WDR33: variants seen among roughly 807,000 people sequenced by gnomAD.
WDR33 encodes the protein WD repeat domain 33, also known as pre-mRNA 3' end processing protein WDR33.
A neutral mutation model predicts 164.9 loss-of-function variants in WDR33; 47 were observed. The observed-to-expected ratio is 0.29, with a 90% CI of 0.23 to 0.36. WDR33 has a LOEUF of 0.36. WDR33 is among the 10% of genes least tolerant of loss of function. The pLI, the probability that WDR33 is intolerant of heterozygous loss-of-function variation, is 1.00. For synonymous variants in WDR33, 505 were observed against 589.0 expected (o/e 0.86, Z 2.06); for missense variants, 1,137 against 1,754.1 (o/e 0.65, Z 6.28).
intron 1 of WDR33, among the ~76,000 whole-genome samples, chr2:127,794,356 T>C (rs1233830328): frequency 1.3e-5 from 2 of 148,324 alleles, no homozygotes; most frequent in African/African-American, 5.0e-5. Context: ...AAAAATTAGC[T>C]GGGTGTGGTG....
Position 127,722,597 on chromosome 2 carries a change from G to C in WDR33, c.1512C>G (p.Phe504Leu). ...VPYAKPIPAQ[F>L]QQAWMQNKVP... Reference sequence around the variant, plus strand: ...TGGAGTCACTTTTACTTACCTGCTGGAACTGAGCAGGAATGGGTTTTGCAT... The same window carrying C: ...TGGAGTCACTTTTACTTACCTGCTGCAACTGAGCAGGAATGGGTTTTGCAT... The change falls in exon 14 of 22, where the codon TTC becomes TTG. Residue 504 changes from phenylalanine to leucine, a missense_variant. Phe to Leu is a conservative substitution (Grantham distance 22). Transcript: ENST00000322313. The surrounding 1 kb of genome is among the most constrained non-coding windows in gnomAD (Gnocchi z 5.1). 6.2e-7 allele frequency: 1 copy of C among 1,613,300 alleles called. No individual in the cohort carries two copies. Among genetic ancestry groups the C allele is most frequent in the Non-Finnish European group, 8.5e-7 (1 of 1,179,786 alleles).
chr2:127,750,410 A>G (rs1687290152), intron 7 of WDR33, among the ~76,000 whole-genome samples: 1 of 151,490 alleles, frequency 6.6e-6, no homozygotes, highest in Non-Finnish European at 1.5e-5. Flanking sequence ...ACTTTGGGAG[A>G]CTGAGGCAGA....
chr2:127,771,165 G>A (rs529746930), intron 1 of WDR33, among the ~76,000 whole-genome samples, 161 bp from the exon 2 acceptor site: 4 of 152,248 alleles, frequency 2.6e-5, no homozygotes, highest in East Asian at 1.9e-4. Flanking sequence ...AACAACGGGC[G>A]TATGTTCTCA....
At chr2:127,788,299 A>G (rs1288844118) in intron 1 of WDR33, among the ~76,000 whole-genome samples, 12 of 87,842 alleles carry the variant, frequency 1.4e-4, no homozygotes, top group Non-Finnish European at 1.6e-4. Context: ...CGGGGGGCTG[A>G]CCCCCCCACC....
intron 3 of WDR33, 36 bp downstream of exon 3, chr2:127,768,897 T>C (rs1558945960): frequency 6.6e-7 from 1 of 1,514,538 alleles, no homozygotes; most frequent in East Asian, 2.3e-5. Context: ...AGCAAGGAAG[T>C]GTTTATTAAG....
At chr2:127,804,527 A>T (rs1689366336) in intron 1 of WDR33, among the ~76,000 whole-genome samples, 1 of 152,200 alleles carries the variant, frequency 6.6e-6, no homozygotes, top group Admixed American at 6.5e-5. Context: ...GAATAACACT[A>T]AATGGCTCCG....
intron 1 of WDR33, among the ~76,000 whole-genome samples, chr2:127,797,991 T>C (rs1231753201): frequency 6.6e-6 from 1 of 151,920 alleles, no homozygotes; most frequent in African/African-American, 2.4e-5. Context: ...TTCAACCTGG[T>C]GACAGAGTGA....
chr2:127,781,214 T>C (rs999295785), intron 1 of WDR33, among the ~76,000 whole-genome samples: 5 of 152,194 alleles, frequency 3.3e-5, no homozygotes, highest in African/African-American at 1.2e-4. Flanking sequence ...ACTGTGGTAA[T>C]AGACACATGA....
chr2:127,781,717 G>A (rs1426692166), intron 1 of WDR33, among the ~76,000 whole-genome samples: 1 of 152,112 alleles, frequency 6.6e-6, no homozygotes, highest in African/African-American at 2.4e-5. Context: ...TCCATGCTGA[G>A]GCCGGGTGCA....
intron 4 of WDR33, among the ~76,000 whole-genome samples, chr2:127,766,927 T>C (rs531759390): frequency 6.6e-6 from 1 of 152,136 alleles, no homozygotes; most frequent in South Asian, 2.1e-4. Context: ...CCCGGCTAAT[T>C]TTTGTATTTT....
intron 1 of WDR33, among the ~76,000 whole-genome samples, chr2:127,789,795 T>C (rs886635440): frequency 7.2e-5 from 11 of 152,050 alleles, no homozygotes; most frequent in Admixed American, 7.2e-4. Flanking sequence ...GTAGATGCCC[T>C]TTATCAGACT....
intron 1 of WDR33, among the ~76,000 whole-genome samples, chr2:127,793,528 G>T (rs553535710): frequency 6.7e-6 from 1 of 148,364 alleles, no homozygotes; most frequent in South Asian, 2.2e-4. Context: ...ATCACTTGAG[G>T]CCAGGAGTTC....
At chr2:127,765,794 T>TAA (rs769820035) in intron 4 of WDR33, among the ~76,000 whole-genome samples, 23 of 135,822 alleles carry the variant, frequency 1.7e-4, no homozygotes, top group Non-Finnish European at 2.9e-4. Context: ...TAAACATATT[T>TAA]AAAAAAAAAA....
Position 127,706,535 on chromosome 2 carries a change from G to A in WDR33, c.3799C>T (p.Pro1267Ser), listed in dbSNP as rs1404085907. 6.3e-7 allele frequency: 1 copy of A among 1,599,052 alleles called. No homozygotes were observed. The highest frequency in any genetic ancestry group is 1.8e-5 in the Admixed American group (1 of 55,206). The change falls in exon 22 of 22, where the codon CCT becomes TCT. Residue 1267 changes from proline (P) to serine (S), a missense_variant. Transcript: ENST00000322313. The surrounding 1 kb of genome is among the most constrained non-coding windows in gnomAD (Gnocchi z 5.1). ...CCAGATTTGGGCACTCTCTGAGCAGGTCCTGGGCCCCCTCGGCCTGAAACA... is the reference window on the plus strand; with the variant it reads ...CCAGATTTGGGCACTCTCTGAGCAGATCCTGGGCCCCCTCGGCCTGAAACA... The part of the protein sequence containing the change: ...RGGKGRGGPG[P>S]AQRVPKSGRS...
Position 127,708,653 on chromosome 2 carries a change from C to G in WDR33, c.3781+24G>C. 6.4e-7 allele frequency: 1 copy of G among 1,557,530 alleles called. No homozygotes were observed. The highest frequency in any genetic ancestry group is 2.3e-5 in the East Asian group (1 of 44,132). On this transcript the variant is annotated intron_variant, in intron 21 of 21. Coordinates refer to ENST00000322313, the MANE Select transcript of WDR33 (RefSeq NM_018383.5). This position sits in a 1 kb window ranked among gnomAD's most constrained non-coding sequence, Gnocchi z 6.7. ...CCATCGGCCCCTGCATCTCCTGGAA[C>G]CATAACCACTGGCCTGCTCTTACCT...
chr2:127,765,151 T>C (rs775266185), intron 5 of WDR33, 23 bp downstream of exon 5: 62 of 1,601,104 alleles, frequency 3.9e-5, no homozygotes, highest in Non-Finnish European at 4.7e-5. Flanking sequence ...AGGATGATGA[T>C]ACCATCTGGT....
chr2:127,789,861 G>A (rs1314403404), intron 1 of WDR33, among the ~76,000 whole-genome samples: 4 of 151,718 alleles, frequency 2.6e-5, no homozygotes, highest in Non-Finnish European at 5.9e-5. Context: ...TTTGAGACAG[G>A]GTCTCACTCT....
chr2:127,750,891 C>T (rs184352310), intron 7 of WDR33, among the ~76,000 whole-genome samples: 1 of 150,454 alleles, frequency 6.6e-6, no homozygotes, highest in African/African-American at 2.4e-5. Context: ...AGGTATTTTA[C>T]AGTAATTGAT....
At position 127,763,294 on chromosome 2, in the gene WDR33, T is replaced by G. The variant is rs1687731818; in HGVS notation, c.627-135A>C. 2 of 1,481,348 alleles carry G rather than the reference T, an allele frequency of 1.4e-6. No individual in the cohort carries two copies. Among genetic ancestry groups the G allele is most frequent in the South Asian group, 2.7e-5 (2 of 72,974 alleles). 91.8% of individuals were successfully genotyped at this position (1,481,348 alleles called of 1,614,324 possible). On this transcript the variant is annotated intron_variant, in intron 6 of 21. Transcript: ENST00000322313. The surrounding 1 kb of genome is among the most constrained non-coding windows in gnomAD (Gnocchi z 4.5). Reference sequence around the variant, plus strand: ...GGGAAGAATCCAGTGAAGAAGCCCTTAAAGTGAATGTCGTCAGCTAACATA... The same window carrying G: ...GGGAAGAATCCAGTGAAGAAGCCCTGAAAGTGAATGTCGTCAGCTAACATA...
Sources: gnomAD v4.1 joint callset for allele counts (sites outside exome capture counted in the v4.1 genomes callset) on GRCh38, gnomAD v4.1.1 for gene constraint, Gnocchi (gnomAD v3.1) non-coding constraint, MANE v1.5 for transcripts, NCBI Gene and HGNC (gene_info 2026-07-23, HGNC 2026-07-21) for gene names.